The following FOXP1 variants were observed in gnomAD, a reference collection of about 807,000 sequenced individuals.
The protein encoded by FOXP1 is forkhead box protein P1.
Under a neutral mutation model 98.2 loss-of-function variants are expected in FOXP1, and 15 were observed. The observed-to-expected ratio is 0.15, with a 90% CI of 0.10 to 0.24. The LOEUF is 0.24. Among genes scored for constraint, FOXP1 ranks in the 10% least tolerant of loss-of-function variants. FOXP1 has a pLI of 1.00. For synonymous variants in FOXP1, 371 were observed against 314.5 expected, an observed-to-expected ratio of 1.18 and a Z score of -1.90; for missense variants, 633 against 848.5, an observed-to-expected ratio of 0.75 and a Z score of 3.15.
intron 4 of FOXP1, among the ~76,000 whole-genome samples, chr3:71,358,254 A>C (rs192792652): frequency 6.6e-6 from 1 of 152,340 alleles, no homozygotes; most frequent in East Asian, 1.9e-4. Context: ...TTAGCCTACC[A>C]TAATCTACCC....
intron 5 of FOXP1, among the ~76,000 whole-genome samples, chr3:71,211,203 T>C (rs1195656864): frequency 2.6e-5 from 4 of 152,196 alleles, no homozygotes; most frequent in African/African-American, 9.6e-5. Context: ...CATTTAGTTC[T>C]ATTTTTCCAT....
chr3:71,539,087 TTTTTTTA>T (rs1217528324), intron 2 of FOXP1, among the ~76,000 whole-genome samples: 2 of 149,076 alleles, frequency 1.3e-5, no homozygotes, highest in Non-Finnish European at 3.0e-5. Context: ...TTGTTTTAGG[TTTTTTTA>T]TTTTTTATTT....
intron 7 of FOXP1, among the ~76,000 whole-genome samples, chr3:71,066,302 C>CA: frequency 6.6e-6 from 1 of 152,170 alleles, no homozygotes; most frequent in Non-Finnish European, 1.5e-5. Flanking sequence ...GTAAAAGAGA[C>CA]AAGCGCGAAG....
intron 2 of FOXP1, among the ~76,000 whole-genome samples, chr3:71,533,175 T>C (rs563289185): frequency 6.6e-6 from 1 of 152,320 alleles, no homozygotes; most frequent in Non-Finnish European, 1.5e-5. Context: ...AACTGTTAAT[T>C]AGGCAAGATG....
intron 2 of FOXP1, among the ~76,000 whole-genome samples, chr3:71,536,571 CTCTTTT>C (rs1304083147): frequency 1.5e-5 from 2 of 132,066 alleles, no homozygotes; most frequent in African/African-American, 6.7e-5. Context: ...TAAACCATGT[CTCTTTT>C]TTTTTTTTTT....
intron 11 of FOXP1, among the ~76,000 whole-genome samples, chr3:71,029,885 C>T (rs548101632): frequency 1.3e-5 from 2 of 152,238 alleles, no homozygotes; most frequent in East Asian, 3.9e-4. Context: ...ATAATACATG[C>T]TCAATACGTG....
At chr3:71,187,946 G>A (rs190383645) in intron 6 of FOXP1, among the ~76,000 whole-genome samples, 2 of 151,962 alleles carry the variant, frequency 1.3e-5, no homozygotes, top group South Asian at 4.2e-4. Flanking sequence ...GTTTGTAAAG[G>A]GTATATCAAG....
intron 2 of FOXP1, among the ~76,000 whole-genome samples, chr3:71,506,198 G>A (rs1013911910): frequency 2.0e-5 from 3 of 152,188 alleles, no homozygotes; most frequent in African/African-American, 7.2e-5. Context: ...CTTCGGCAGT[G>A]TTGGGAGTTG....
At chr3:70,987,896 A>G in intron 14 of FOXP1, 98 bp downstream of exon 14, 1 of 1,103,200 alleles carries the variant, frequency 9.1e-7, no homozygotes, top group South Asian at 1.3e-5. Context: ...AAGCTCCACC[A>G]AAGTAGGCTG....
At chr3:71,262,346 A>T (rs1394284238) in intron 5 of FOXP1, among the ~76,000 whole-genome samples, 4 of 151,080 alleles carry the variant, frequency 2.6e-5, no homozygotes, top group Non-Finnish European at 5.9e-5. Context: ...TGCTAAGAAT[A>T]CAAAAAAGAT....
intron 4 of FOXP1, among the ~76,000 whole-genome samples, chr3:71,342,978 C>T (rs916228031): frequency 7.2e-5 from 11 of 152,176 alleles, no homozygotes; most frequent in Non-Finnish European, 1.3e-4. Context: ...CTGAGCCTCA[C>T]TTTATTCACC....
intron 5 of FOXP1, among the ~76,000 whole-genome samples, chr3:71,250,935 A>G (rs1294649989): frequency 1.3e-5 from 2 of 152,234 alleles, no homozygotes; most frequent in African/African-American, 4.8e-5. Flanking sequence ...TGTCTCAAAA[A>G]AAAGAAAGAA....
intron 5 of FOXP1, among the ~76,000 whole-genome samples, chr3:71,258,485 C>A (rs964047245): frequency 2.0e-5 from 3 of 152,282 alleles, no homozygotes; most frequent in East Asian, 3.9e-4. Flanking sequence ...GAGGGCCAGT[C>A]CCTTAGGTGA....
intron 3 of FOXP1, among the ~76,000 whole-genome samples, chr3:71,425,988 C>T (rs1057076032): frequency 1.3e-5 from 2 of 152,192 alleles, no homozygotes. Context: ...GTTTGACTAA[C>T]ATGCTGGCTC....
intron 3 of FOXP1, among the ~76,000 whole-genome samples, chr3:71,385,546 G>C (rs1041109954): frequency 6.6e-6 from 1 of 152,044 alleles, no homozygotes; most frequent in African/African-American, 2.4e-5. Context: ...GGTGGGAAAG[G>C]CTCCCAAGAA....
At chr3:71,396,973 T>TATATATACACAC (rs1553871411) in intron 3 of FOXP1, among the ~76,000 whole-genome samples, 1 of 27,382 alleles carries the variant, frequency 3.7e-5, no homozygotes, top group Non-Finnish European at 1.0e-4. Context: ...TGTGTGTATA[T>TATATATACACAC]ATATATATGT....
chr3:71,091,129 G>GTGTA (rs1553732496), intron 7 of FOXP1, among the ~76,000 whole-genome samples: 2,147 of 122,360 alleles, frequency 0.018, 69 homozygotes, highest in African/African-American at 0.039. Context: ...GTGTGTGTGT[G>GTGTA]TGTATTCTTA....
At chr3:71,433,667 G>A (rs923981516) in intron 3 of FOXP1, among the ~76,000 whole-genome samples, 1 of 152,152 alleles carries the variant, frequency 6.6e-6, no homozygotes, top group African/African-American at 2.4e-5. Context: ...TCCCTGGTGA[G>A]ATAAGTTCTC....
intron 2 of FOXP1, among the ~76,000 whole-genome samples, chr3:71,510,305 G>A (rs1047740805): frequency 1.3e-5 from 2 of 151,048 alleles, no homozygotes; most frequent in Non-Finnish European, 2.9e-5. Context: ...GTGAAACCCC[G>A]TCTCAACTAA....
Sources: allele counts gnomAD v4.1 joint callset (sites outside exome capture counted in the v4.1 genomes callset), GRCh38; gene constraint gnomAD v4.1.1; transcripts MANE v1.5; gene names NCBI Gene and HGNC (gene_info 2026-07-23, HGNC 2026-07-21).